Variants in CHD2 observed in about 807,000 individuals in gnomAD.
The protein encoded by CHD2 is ATP-dependent chromatin remodeler CHD2.
In CHD2, 28 loss-of-function variants were observed where a neutral mutation model predicts 243.9. The ratio of observed to expected loss-of-function variants is 0.11; its 90% CI spans 0.09 to 0.16. The LOEUF is 0.16. Among genes scored for constraint, CHD2 ranks in the 10% least tolerant of loss-of-function variants. The pLI, the probability that CHD2 is intolerant of heterozygous loss-of-function variation, is 1.00. For missense variants in CHD2, 1,386 were observed against 2,209.8 expected (o/e 0.63, Z 7.47); for synonymous variants, 775 against 779.0 (o/e 0.99, Z 0.09).
chr15:93,013,111 G>C (rs1255786567), intron 36 of CHD2, among the ~76,000 whole-genome samples: 1 of 152,228 alleles, frequency 6.6e-6, no homozygotes, highest in Admixed American at 6.5e-5. Context: ...CACATAGAAT[G>C]GAATAGAATG....
intron 9 of CHD2, 142 bp downstream of exon 9, chr15:92,943,210 A>G (rs1042445972): frequency 4.6e-6 from 3 of 656,450 alleles, no homozygotes; most frequent in Non-Finnish European, 7.7e-6. Flanking sequence ...TTACAATTCT[A>G]TTTTATAAGA....
In CHD2 at chr15:92,998,280, G is replaced by A. The variant is rs1162966499; in HGVS notation, c.3886-219G>A. 7.7e-7 allele frequency: 1 copy of A among 1,290,628 alleles called. No homozygotes were observed. The highest frequency in any genetic ancestry group is 9.9e-7 in the Non-Finnish European group (1 of 1,006,058). 79.9% of individuals were successfully genotyped at this position (1,290,628 alleles called of 1,614,324 possible). ...AGCACAGGTAGGAGCCATTGGGAGA[G>A]CTGGATTTCTCCATCCCATTTTGTA... is the stretch of plus-strand genomic sequence containing the variant. On this transcript the variant is annotated intron_variant, in intron 30 of 38. Coordinates refer to ENST00000394196, the MANE Select transcript of CHD2 (RefSeq NM_001271.4). This position sits in a 1 kb window ranked among gnomAD's most constrained non-coding sequence, Gnocchi z 5.1.
intron 2 of CHD2, among the ~76,000 whole-genome samples, chr15:92,921,725 G>A (rs1178596942): frequency 6.6e-6 from 1 of 152,134 alleles, no homozygotes; most frequent in East Asian, 1.9e-4. Flanking sequence ...GTAGGGCTTT[G>A]GCATTTATAG....
Position 92,997,417 on chromosome 15 carries a change from C to A in CHD2, c.3885+14C>A. The A allele has an allele frequency of 6.5e-7, 1 of 1,546,820 alleles. No individual in the cohort carries two copies. Among genetic ancestry groups the A allele is most frequent in the Non-Finnish European group, 8.7e-7 (1 of 1,151,364 alleles). ...TTAACTGACAAAGTAAGTAACCCTACCATGCTAGAGATTTCTAGAAGATTT... is the reference window on the plus strand; with the variant it reads ...TTAACTGACAAAGTAAGTAACCCTAACATGCTAGAGATTTCTAGAAGATTT... On this transcript the variant is annotated intron_variant, in intron 30 of 38. Transcript: ENST00000394196. This position sits in a 1 kb window ranked among gnomAD's most constrained non-coding sequence, Gnocchi z 4.1.
chr15:92,957,496 G>A (rs2053630991), intron 16 of CHD2, among the ~76,000 whole-genome samples: 1 of 151,980 alleles, frequency 6.6e-6, no homozygotes, highest in Non-Finnish European at 1.5e-5. Flanking sequence ...TTACATTTAT[G>A]TTCTCATTCA....
chr15:92,931,903 G>T (rs144564368), intron 5 of CHD2, among the ~76,000 whole-genome samples: 2 of 140,722 alleles, frequency 1.4e-5, no homozygotes, highest in African/African-American at 5.4e-5. Context: ...TGGCTTTGTC[G>T]CCAGGCTGGG....
At chr15:93,007,851 T>C (rs541857913) in intron 34 of CHD2, among the ~76,000 whole-genome samples, 2 of 152,380 alleles carry the variant, frequency 1.3e-5, no homozygotes, top group East Asian at 3.9e-4. Flanking sequence ...TTTCACATTA[T>C]TTCTTTCCAA....
chr15:92,924,299 T>C (rs2053016447), intron 2 of CHD2, 22 bp from the exon 3 acceptor site: 1 of 1,525,032 alleles, frequency 6.6e-7, no homozygotes, highest in African/African-American at 1.4e-5. Flanking sequence ...TATTTTTAAA[T>C]CTCTCTCTCT....
At chr15:93,009,069 C>G (rs549682130) in intron 34 of CHD2, 76 bp from the exon 35 acceptor site, 9 of 1,491,780 alleles carry the variant, frequency 6.0e-6, no homozygotes, top group Non-Finnish European at 8.2e-6. Context: ...GTGTTTTCAT[C>G]GAGAGCACAG....
At chr15:93,003,636 A>G (rs528271211) in intron 33 of CHD2, among the ~76,000 whole-genome samples, 5 of 136,870 alleles carry the variant, frequency 3.7e-5, no homozygotes, top group African/African-American at 1.4e-4. Context: ...TTTGTATTTC[A>G]TGAACATATG....
chr15:92,956,687 T>C (rs560704868), intron 16 of CHD2, 38 bp downstream of exon 16: 1 of 1,549,362 alleles, frequency 6.5e-7, no homozygotes, highest in South Asian at 1.2e-5. Flanking sequence ...GATGCTAGAA[T>C]GTCTGAAATG....
At chr15:93,022,281 A>AGAGG (rs921521747) in intron 38 of CHD2, 2 of 152,232 alleles carry the variant, frequency 1.3e-5, no homozygotes, top group Non-Finnish European at 2.9e-5. Flanking sequence ...CCATGGCAAG[A>AGAGG]GAGGGAGCAA....
Position 92,951,576 on chromosome 15 carries a change from T to G in CHD2, c.1503-1781T>G, listed in dbSNP as rs919929500. 3.3e-5 allele frequency among the ~76,000 whole-genome samples: 5 copies of G among 152,356 alleles called. No homozygotes were observed. In the South Asian group the frequency reaches 1.0e-3, roughly 32 times the overall value. On this transcript the variant is annotated intron_variant, in intron 13 of 38. Coordinates refer to ENST00000394196, the MANE Select transcript of CHD2 (RefSeq NM_001271.4). ...TGTTACTACATTACATAATGTGCTA[T>G]TTTGGTCTGGTTCCAGAAAAACAGG...
chr15:92,946,014 A>C, intron 11 of CHD2, 24 bp from the exon 12 acceptor site: 1 of 1,542,062 alleles, frequency 6.5e-7, no homozygotes, highest in South Asian at 1.2e-5. Context: ...TTGCTAATCT[A>C]TAAATTTTTT....
At chr15:93,002,095 G>A (rs2054264122) in intron 32 of CHD2, 82 bp from the exon 33 acceptor site, 2 of 1,512,608 alleles carry the variant, frequency 1.3e-6, no homozygotes, top group African/African-American at 2.8e-5. Context: ...GAACCACTGG[G>A]GGCAGTGCTT....
chr15:92,926,943 T>C (rs1356658104), intron 3 of CHD2, among the ~76,000 whole-genome samples: 8 of 151,638 alleles, frequency 5.3e-5, no homozygotes, highest in Non-Finnish European at 1.0e-4. Context: ...TACTTTGTCT[T>C]TAGTGGAAGC....
chr15:93,018,008 T>C (rs1328244743), intron 37 of CHD2, among the ~76,000 whole-genome samples: 2 of 152,226 alleles, frequency 1.3e-5, no homozygotes, highest in Non-Finnish European at 2.9e-5. Flanking sequence ...ATCTTTTTAA[T>C]AGCTCAATAC....
In CHD2 at chr15:92,984,444, C is replaced by G; in HGVS notation, c.3181C>G (p.Gln1061Glu). Residue 1061 changes from glutamine (Q) to glutamate (E), a missense_variant, in exon 25 of 39, where the codon CAG becomes GAG. Around this residue, in one of 19 missense-constraint regions of CHD2, gnomAD observed 99 missense variants for 206.4 expected, o/e 0.48. Coordinates refer to ENST00000394196, the MANE Select transcript of CHD2 (RefSeq NM_001271.4). ...QRKKVEEEERQKELEEIYMLP... is the reference protein window; with the variant it reads ...QRKKVEEEEREKELEEIYMLP... ...GAAAAAAGTAGAGGAGGAAGAGCGG[C>G]AGAAGGAGCTAGAAGAAATTTATAT... 1 of 1,612,718 alleles carries G rather than the reference C, an allele frequency of 6.2e-7. No individual in the cohort carries two copies. The highest frequency in any genetic ancestry group is 8.5e-7 in the Non-Finnish European group (1 of 1,179,284).
At chr15:92,975,944 T>C (rs1300908984) in intron 20 of CHD2, among the ~76,000 whole-genome samples, 1 of 152,354 alleles carries the variant, frequency 6.6e-6, no homozygotes, top group East Asian at 1.9e-4. Context: ...CCATTCCTCC[T>C]TTCCTTGCTC....
Sources: allele counts gnomAD v4.1 joint callset (sites outside exome capture counted in the v4.1 genomes callset), GRCh38; gene constraint gnomAD v4.1.1; regional missense constraint gnomAD v4.1.1; non-coding constraint Gnocchi (gnomAD v3.1); transcripts MANE v1.5; gene names NCBI Gene and HGNC (gene_info 2026-07-23, HGNC 2026-07-21).